Variants in RUNX3 observed in about 807,000 individuals in gnomAD.
RUNX3 encodes the protein RUNX family transcription factor 3.
In RUNX3, 10 loss-of-function variants were observed where a neutral mutation model predicts 27.7. The observed-to-expected ratio is 0.36, with a 90% CI of 0.22 to 0.61. The LOEUF (loss-of-function observed/expected upper bound fraction) is 0.61, where lower values mean the gene tolerates loss of function less well. Among genes scored for constraint, RUNX3 ranks in the 20% least tolerant of loss-of-function variants. RUNX3 has a pLI of 0.72. For missense variants in RUNX3, 469 were observed against 629.5 expected (o/e 0.75, Z 2.73); for synonymous variants, 270 against 269.2 (o/e 1.00, Z -0.03).
Position 24,943,715 on chromosome 1 carries a change from C to T in RUNX3, c.59-13863G>A, listed in dbSNP as rs1178196449. 6.6e-6 allele frequency among the ~76,000 whole-genome samples: 1 copy of T among 152,178 alleles called. No individual in the cohort carries two copies. The highest frequency in any genetic ancestry group is 1.5e-5 in the Non-Finnish European group (1 of 68,036). On this transcript the variant is annotated intron_variant, in intron 2 of 6. Transcript: ENST00000338888. This position sits in a 1 kb window ranked among gnomAD's most constrained non-coding sequence, Gnocchi z 4.6. ...GAGTCCAAAGTCAGGACTCATTCTT[C>T]CCCCAGGTCATCGTGGGACCTCCGC...
At chr1:24,964,819 T>C (rs917664774) in intron 1 of RUNX3, 81 of 1,004,112 alleles carry the variant, frequency 8.1e-5, no homozygotes, top group Non-Finnish European at 1.0e-4. Flanking sequence ...CCAAGGAAAG[T>C]AAGTTTCTGT....
intron 2 of RUNX3, among the ~76,000 whole-genome samples, chr1:24,960,943 C>A (rs1435854575): frequency 6.6e-6 from 1 of 152,134 alleles, no homozygotes; most frequent in East Asian, 1.9e-4. Context: ...CCCCAGGGGG[C>A]CCCTGTGCCC....
chr1:24,916,790 C>T lies in RUNX3; in HGVS notation c.544+2450G>A, dbSNP rs1348561609. Among the ~76,000 whole-genome samples, 1 of 152,160 alleles carries T rather than the reference C, an allele frequency of 6.6e-6. No individual in the cohort carries two copies. Among genetic ancestry groups the T allele is most frequent in the East Asian group, 1.9e-4 (1 of 5,194 alleles). ...TCTGTAAATAAAACCACTGATCCAGCCGCTGCCGGGGCCCAGAGAGGGAGG... is the reference window on the plus strand; with the variant it reads ...TCTGTAAATAAAACCACTGATCCAGTCGCTGCCGGGGCCCAGAGAGGGAGG... On this transcript the variant is annotated intron_variant, in intron 3 of 4. Coordinates refer to ENST00000308873, the MANE Select transcript of RUNX3 (RefSeq NM_004350.3). The surrounding 1 kb of genome is among the most constrained non-coding windows in gnomAD (Gnocchi z 4.8).
intron 2 of RUNX3, among the ~76,000 whole-genome samples, chr1:24,920,334 G>A (rs745495560): frequency 6.6e-6 from 1 of 151,924 alleles, no homozygotes; most frequent in Non-Finnish European, 1.5e-5. Flanking sequence ...GTGATTTCAC[G>A]GCAGCAGAGG....
chr1:24,936,753 A>G (rs1205319961), intron 2 of RUNX3, among the ~76,000 whole-genome samples: 1 of 152,170 alleles, frequency 6.6e-6, no homozygotes, highest in Non-Finnish European at 1.5e-5. Flanking sequence ...CCACCTCCCC[A>G]AAAAGGTCCT....
At chr1:24,921,049 G>A (rs1326782879) in intron 2 of RUNX3, among the ~76,000 whole-genome samples, 1 of 152,132 alleles carries the variant, frequency 6.6e-6, no homozygotes, top group African/African-American at 2.4e-5. Context: ...AGGGGCCAAT[G>A]GTCTCGCACT....
chr1:24,906,073 C>T (rs76612454), intron 4 of RUNX3, among the ~76,000 whole-genome samples: 1 of 152,206 alleles, frequency 6.6e-6, no homozygotes, highest in African/African-American at 2.4e-5. Context: ...ACACTGAAGG[C>T]CTGCATCCAG....
intron 2 of RUNX3, among the ~76,000 whole-genome samples, chr1:24,949,659 C>T (rs771553222): frequency 1.3e-5 from 2 of 152,256 alleles, no homozygotes; most frequent in Non-Finnish European, 2.9e-5. Context: ...TTTCATTCCC[C>T]GTGATGTGTG....
At chr1:24,917,492 C>T (rs769049714) in intron 3 of RUNX3, among the ~76,000 whole-genome samples, 5 of 152,122 alleles carry the variant, frequency 3.3e-5, no homozygotes, top group Admixed American at 2.0e-4. Context: ...GTCCACATGT[C>T]GCCCCTGATC....
rs1557843792 is a variant in RUNX3, at chr1:24,923,180, G to A, written c.440-3836C>T. ...CTGAGGTCACCAGCACTCCTCGGCC[G>A]CTTCCACCAGCTTCCACGCCTGTCA... is the stretch of plus-strand genomic sequence containing the variant. On this transcript the variant is annotated intron_variant, in intron 2 of 4. Transcript: ENST00000308873. The surrounding 1 kb of genome is among the most constrained non-coding windows in gnomAD (Gnocchi z 5.9). 6.6e-6 allele frequency among the ~76,000 whole-genome samples: 1 copy of A among 152,102 alleles called. No homozygotes were observed. The highest frequency in any genetic ancestry group is 2.4e-5 in the African/African-American group (1 of 41,404).
At chr1:24,913,216 G>A (rs554367484) in intron 3 of RUNX3, among the ~76,000 whole-genome samples, 20 of 152,244 alleles carry the variant, frequency 1.3e-4, no homozygotes, top group Non-Finnish European at 2.9e-4. Context: ...GCCTGTCCTG[G>A]CTGCTGTCAG....
intron 2 of RUNX3, among the ~76,000 whole-genome samples, chr1:24,926,026 C>T (rs1239802839): frequency 1.3e-5 from 2 of 152,192 alleles, no homozygotes; most frequent in African/African-American, 4.8e-5. Flanking sequence ...TCTCGCTTCC[C>T]AGGAGAGAGA....
Position 24,962,699 on chromosome 1 carries a change from A to T in RUNX3, c.58+1815T>A, listed in dbSNP as rs1642148250. On this transcript the variant is annotated intron_variant, in intron 2 of 6. Coordinates refer to the RUNX3 transcript ENST00000338888. This position sits in a 1 kb window ranked among gnomAD's most constrained non-coding sequence, Gnocchi z 4.5. ...GCCTTCTGTGCCACTGCTGGCCAGG[A>T]TCAGCCCGCTCTGCCCAGCGGCCTC... Among the ~76,000 whole-genome samples, 1 of 152,180 alleles carries T rather than the reference A, an allele frequency of 6.6e-6. No individual in the cohort carries two copies. The highest frequency in any genetic ancestry group is 1.5e-5 in the Non-Finnish European group (1 of 68,018).
rs1641523110 is a variant in RUNX3, at chr1:24,943,239, G to T, written c.59-13387C>A. Among the ~76,000 whole-genome samples, 1 of 152,354 alleles carries T rather than the reference G, an allele frequency of 6.6e-6. No individual in the cohort carries two copies. Among genetic ancestry groups the T allele is most frequent in the East Asian group, 1.9e-4 (1 of 5,178 alleles). ...GCCACCCAGCACGTGGGGGAGGCCA[G>T]GGCTTTGGGAGCATGCTGGCAGCAG... On this transcript the variant is annotated intron_variant, in intron 2 of 6. Coordinates refer to the RUNX3 transcript ENST00000338888. This position sits in a 1 kb window ranked among gnomAD's most constrained non-coding sequence, Gnocchi z 4.6.
At chr1:24,912,119 T>C (rs984832277) in intron 3 of RUNX3, among the ~76,000 whole-genome samples, 1 of 152,198 alleles carries the variant, frequency 6.6e-6, no homozygotes, top group Middle Eastern at 3.2e-3. Flanking sequence ...AAAAAGCCTC[T>C]TTCATTCGGT....
rs540084935 is a variant in RUNX3, at chr1:24,904,871, C to A, written c.704-2205G>T. ...TTGGAGCTCCTGTACCCCCACCCTGCGGCCTCGCAGCCCCAGGAAACCCGA... is the reference window on the plus strand; with the variant it reads ...TTGGAGCTCCTGTACCCCCACCCTGAGGCCTCGCAGCCCCAGGAAACCCGA... On this transcript the variant is annotated intron_variant, in intron 4 of 4. Coordinates refer to ENST00000308873, the MANE Select transcript of RUNX3 (RefSeq NM_004350.3). The surrounding 1 kb of genome is among the most constrained non-coding windows in gnomAD (Gnocchi z 5.7). Among the ~76,000 whole-genome samples the A allele has an allele frequency of 2.0e-5, 3 of 152,186 alleles. No individual in the cohort carries two copies. The highest frequency in any genetic ancestry group is 7.2e-5 in the African/African-American group (3 of 41,442).
Position 24,962,785 on chromosome 1 carries a change from G to A in RUNX3, c.58+1729C>T, listed in dbSNP as rs1642151575. ...AGCCACCTCTCCCTTTGTGCCCTTT[G>A]TGCTACTGCCAGCCACCTCCCAGGC... is the stretch of plus-strand genomic sequence containing the variant. On this transcript the variant is annotated intron_variant, in intron 2 of 6. Coordinates refer to the RUNX3 transcript ENST00000338888. This position sits in a 1 kb window ranked among gnomAD's most constrained non-coding sequence, Gnocchi z 4.5. 2.6e-5 allele frequency among the ~76,000 whole-genome samples: 4 copies of A among 152,170 alleles called. No individual in the cohort carries two copies. In the South Asian group the frequency reaches 8.3e-4, roughly 31 times the overall value.
At chr1:24,906,052 G>T (rs1378582397) in intron 4 of RUNX3, among the ~76,000 whole-genome samples, 1 of 152,236 alleles carries the variant, frequency 6.6e-6, no homozygotes, top group East Asian at 1.9e-4. Flanking sequence ...AAGGGGAGGG[G>T]TCCTCTCTTC....
intron 3 of RUNX3, among the ~76,000 whole-genome samples, chr1:24,908,198 C>CGAACCTCTATGACACGCGGTGATCT (rs1557837345): frequency 7.5e-5 from 10 of 132,696 alleles, no homozygotes; most frequent in African/African-American, 2.8e-4. Flanking sequence ...CGCGGTGATC[C>CGAACCTCTATGACACGCGGTGATCT]GAACCTCTAC....
Sources: allele counts gnomAD v4.1 joint callset (sites outside exome capture counted in the v4.1 genomes callset), GRCh38; gene constraint gnomAD v4.1.1; non-coding constraint Gnocchi (gnomAD v3.1); transcripts MANE v1.5; gene names NCBI Gene and HGNC (gene_info 2026-07-23, HGNC 2026-07-21).